The following PLPPR5 variants were observed in gnomAD, a reference collection of about 807,000 sequenced individuals.
PLPPR5 encodes the protein phospholipid phosphatase related 5, also known as phospholipid phosphatase-related protein type 5.
In PLPPR5, 16 loss-of-function variants were observed where a neutral mutation model predicts 33.9. That is an observed-to-expected ratio of 0.47 (90% CI 0.32 to 0.72). PLPPR5 has a LOEUF of 0.72. Among genes scored for constraint, PLPPR5 ranks in the 30% least tolerant of loss-of-function variants. The pLI, the probability that PLPPR5 is intolerant of heterozygous loss-of-function variation, is 0.03. For missense variants in PLPPR5, 301 were observed against 406.7 expected, an observed-to-expected ratio of 0.74 and a Z score of 2.23; for synonymous variants, 163 against 150.3, an observed-to-expected ratio of 1.08 and a Z score of -0.62.
chr1:98,968,213 A>G (rs1192092085), intron 1 of PLPPR5, among the ~76,000 whole-genome samples: 1 of 128,764 alleles, frequency 7.8e-6, no homozygotes, highest in Non-Finnish European at 1.7e-5. Flanking sequence ...TTATATACTT[A>G]TAGTTTGTTT....
chr1:98,989,313 C>T (rs912898044), intron 1 of PLPPR5, among the ~76,000 whole-genome samples: 1 of 152,072 alleles, frequency 6.6e-6, no homozygotes, highest in Non-Finnish European at 1.5e-5. Flanking sequence ...CATAATAGTA[C>T]TCTCCTTGGT....
At chr1:98,919,065 A>C (rs1342711376) in intron 4 of PLPPR5, among the ~76,000 whole-genome samples, 3 of 152,350 alleles carry the variant, frequency 2.0e-5, no homozygotes, top group African/African-American at 7.2e-5. Context: ...ATTACATATT[A>C]AAAGTTGGAA....
At chr1:98,999,713 G>C (rs1652756418) in intron 1 of PLPPR5, among the ~76,000 whole-genome samples, 1 of 152,154 alleles carries the variant, frequency 6.6e-6, no homozygotes, top group Non-Finnish European at 1.5e-5. Flanking sequence ...GATCCAATGG[G>C]GAGCTCTAGG....
At chr1:98,932,247 A>T (rs188677) in intron 3 of PLPPR5, among the ~76,000 whole-genome samples, 139,179 of 152,262 alleles carry the variant, frequency 0.91, 63,699 homozygotes, top group East Asian at 1. Context: ...TTTAAGTACA[A>T]CATGGGTTAA....
chr1:98,931,230 A>G (rs1649953581), intron 3 of PLPPR5, among the ~76,000 whole-genome samples: 1 of 152,168 alleles, frequency 6.6e-6, no homozygotes. Flanking sequence ...GGATAGGAAT[A>G]TCCTTTTCTC....
At position 98,892,813 on chromosome 1, in the gene PLPPR5, C is replaced by A; in HGVS notation, c.*259G>T. On this transcript the variant is annotated 3_prime_UTR_variant, in exon 6 of 6. Coordinates refer to ENST00000263177, the MANE Select transcript of PLPPR5 (RefSeq NM_001037317.2). Reference sequence around the variant, plus strand: ...TATTTAAGAATTTTGTTCATTTGGTCATCACATTTTTGTTGAACACCTACT... The same window carrying A: ...TATTTAAGAATTTTGTTCATTTGGTAATCACATTTTTGTTGAACACCTACT... 2.8e-6 allele frequency: 1 copy of A among 351,008 alleles called. No individual in the cohort carries two copies. The highest frequency in any genetic ancestry group is 5.1e-6 in the Non-Finnish European group (1 of 196,320). The allele number at this position is 351,008 out of a possible 1,614,324, so 21.7% of individuals were successfully genotyped here. A position where few individuals can be genotyped will look rare whatever the true frequency, so the allele number is the denominator to read the frequency against.
In PLPPR5 at chr1:99,004,423, C is replaced by A. The variant is rs746184907; in HGVS notation, c.237+12G>T. ...GGGACTCGGCGACGAGGGCGAGCGC[C>A]CCCGGGCTTACCACGAGCACGGGGA... On this transcript the variant is annotated intron_variant, in intron 1 of 5. Transcript: ENST00000263177. The A allele has an allele frequency of 1.6e-5, 25 of 1,593,682 alleles. No homozygotes were observed. The highest frequency in any genetic ancestry group is 2.7e-5 in the African/African-American group (2 of 74,416).
chr1:98,920,019 C>T (rs1285046768), intron 4 of PLPPR5, among the ~76,000 whole-genome samples: 1 of 152,072 alleles, frequency 6.6e-6, no homozygotes, highest in African/African-American at 2.4e-5. Context: ...TCAGTTTTTA[C>T]ATATAATCCT....
intron 3 of PLPPR5, among the ~76,000 whole-genome samples, chr1:98,939,913 G>A (rs774115448): frequency 7.3e-5 from 11 of 151,704 alleles, no homozygotes; most frequent in East Asian, 1.9e-4. Flanking sequence ...ATTATTTATC[G>A]TAGAGAACGC....
intron 1 of PLPPR5, among the ~76,000 whole-genome samples, chr1:98,995,425 TATAAC>T (rs1488911260): frequency 6.6e-6 from 1 of 152,114 alleles, no homozygotes; most frequent in African/African-American, 2.4e-5. Flanking sequence ...GCGATTTACT[TATAAC>T]AAACCTGCAT....
intron 1 of PLPPR5, among the ~76,000 whole-genome samples, chr1:99,003,626 T>C (rs529436504): frequency 1.3e-5 from 2 of 152,246 alleles, no homozygotes; most frequent in African/African-American, 4.8e-5. Flanking sequence ...AATAATTTCA[T>C]ATGTATATAT....
At chr1:98,893,864 C>T (rs1648373882) in intron 5 of PLPPR5, among the ~76,000 whole-genome samples, 1 of 151,684 alleles carries the variant, frequency 6.6e-6, no homozygotes, top group Admixed American at 6.6e-5. Context: ...ATCATACTAC[C>T]CATTTTAAAT....
chr1:99,001,914 C>T (rs927357861), intron 1 of PLPPR5, among the ~76,000 whole-genome samples: 7 of 151,232 alleles, frequency 4.6e-5, no homozygotes, highest in African/African-American at 1.7e-4. Flanking sequence ...CATCATGTTC[C>T]CAAATGTTAG....
Position 98,891,301 on chromosome 1 carries a change from G to T in PLPPR5, c.*1771C>A, listed in dbSNP as rs1648265687. 6.6e-6 allele frequency: 1 copy of T among 151,998 alleles called. No homozygotes were observed. The highest frequency in any genetic ancestry group is 1.5e-5 in the Non-Finnish European group (1 of 67,988). 9.4% of individuals were successfully genotyped at this position (151,998 alleles called of 1,614,324 possible). On this transcript the variant is annotated 3_prime_UTR_variant, in exon 6 of 6. Coordinates refer to ENST00000263177, the MANE Select transcript of PLPPR5 (RefSeq NM_001037317.2). ...AATGGGCAAATAACATCTATTTGGG[G>T]AGTAATGGACAATCTTTGGTTATAT...
intron 1 of PLPPR5, chr1:99,004,182 C>G: frequency 1.9e-6 from 1 of 528,006 alleles, no homozygotes; most frequent in Non-Finnish European, 3.4e-6. Flanking sequence ...CTCTTCCCTT[C>G]CATCCCCGCC....
At position 98,993,549 on chromosome 1, in the gene PLPPR5, C is replaced by T. The variant is rs537382121; in HGVS notation, c.237+10886G>A. ...CTGAGCAAGCCCAACACTGTGAAGACACATGTGAAGGAAGAGGACATTGTC... is the reference window on the plus strand; with the variant it reads ...CTGAGCAAGCCCAACACTGTGAAGATACATGTGAAGGAAGAGGACATTGTC... On this transcript the variant is annotated intron_variant, in intron 1 of 5. Coordinates refer to ENST00000263177, the MANE Select transcript of PLPPR5 (RefSeq NM_001037317.2). 5.9e-5 allele frequency among the ~76,000 whole-genome samples: 9 copies of T among 152,156 alleles called. No homozygotes were observed. The East Asian group carries it at 1.7e-3, about 29-fold the overall frequency.
chr1:98,928,816 T>G (rs1240697907), intron 3 of PLPPR5, among the ~76,000 whole-genome samples: 1 of 151,860 alleles, frequency 6.6e-6, no homozygotes, highest in African/African-American at 2.4e-5. Flanking sequence ...CATTTATTTT[T>G]AAATATTTGT....
At chr1:98,929,492 T>C (rs1246094306) in intron 3 of PLPPR5, among the ~76,000 whole-genome samples, 3 of 152,216 alleles carry the variant, frequency 2.0e-5, no homozygotes, top group South Asian at 4.1e-4. Context: ...GAATTTATCC[T>C]GTAGCTGATG....
intron 3 of PLPPR5, among the ~76,000 whole-genome samples, chr1:98,940,251 G>A (rs1014181273): frequency 2.6e-5 from 4 of 151,808 alleles, no homozygotes; most frequent in Non-Finnish European, 4.4e-5. Context: ...GCTCTATGTG[G>A]CTTGCAGATG....
Sources: allele counts gnomAD v4.1 joint callset (sites outside exome capture counted in the v4.1 genomes callset), GRCh38; gene constraint gnomAD v4.1.1; transcripts MANE v1.5; gene names NCBI Gene and HGNC (gene_info 2026-07-23, HGNC 2026-07-21).